CFAP58: variants seen among roughly 807,000 people sequenced by gnomAD.
CFAP58 encodes cilia and flagella associated protein 58, also known as cilia- and flagella-associated protein 58.
A neutral mutation model predicts 119.5 loss-of-function variants in CFAP58; 88 were observed. The observed-to-expected ratio is 0.74, with a 90% CI of 0.62 to 0.88. The LOEUF is 0.88. Among genes scored for constraint, CFAP58 ranks in the 40% least tolerant of loss-of-function variants. The probability of loss-of-function intolerance (pLI) is 0.00; values close to 1 mark genes in which losing one functional copy is unlikely to be tolerated. For missense variants in CFAP58, 990 were observed against 1,021.2 expected (o/e 0.97, Z 0.42); for synonymous variants, 365 against 366.3 (o/e 1.00, Z 0.04).
intron 4 of CFAP58, 80 bp from the exon 5 acceptor site, chr10:104,365,734 A>G (rs1425685733): frequency 2.7e-5 from 34 of 1,261,098 alleles, no homozygotes; most frequent in Non-Finnish European, 3.6e-5. Context: ...CAGACCTGAG[A>G]GAGGAGGGGG....
intron 15 of CFAP58, among the ~76,000 whole-genome samples, chr10:104,433,692 A>C (rs1034983832): frequency 1.3e-5 from 2 of 152,246 alleles, no homozygotes; most frequent in African/African-American, 4.8e-5. Flanking sequence ...TTCATCACAA[A>C]GTTCGAATTA....
At chr10:104,409,666 T>G (rs991927047) in intron 15 of CFAP58, among the ~76,000 whole-genome samples, 3 of 152,204 alleles carry the variant, frequency 2.0e-5, no homozygotes, top group African/African-American at 7.2e-5. Flanking sequence ...AGATTATAAT[T>G]TTTATTTCTT....
rs1176373321 is a variant in CFAP58, at chr10:104,365,887, A to G, written c.671A>G (p.Glu224Gly). ...EFRKKEKLEK[E>G]LKQIQADMDS... ...CGGAAGAAGGAAAAACTAGAGAAAG[A>G]GCTCAAGCAGATTCAGGCAGACATG... The change falls in exon 5 of 18, where the codon GAG becomes GGG. Residue 224 changes from glutamate (E) to glycine (G), a missense_variant. Transcript: ENST00000369704. 2 of 1,613,612 alleles carry G rather than the reference A, an allele frequency of 1.2e-6. No individual in the cohort carries two copies. The highest frequency in any genetic ancestry group is 1.7e-5 in the Admixed American group (1 of 59,956).
chr10:104,339,146 T>G, the CFAP58 span, among the ~76,000 whole-genome samples: 2 of 152,294 alleles, frequency 1.3e-5, no homozygotes, highest in African/African-American at 2.4e-5. Context: ...TTCTCGGCCT[T>G]CCGAAGCGCC....
rs57210958 is a variant in CFAP58, at chr10:104,396,369, T to TGAGAGAGA, written c.1675-2928_1675-2921dup. Among the ~76,000 whole-genome samples, 60 of 86,858 alleles carry TGAGAGAGA rather than the reference T, an allele frequency of 6.9e-4. 1 individual carries two copies. The highest frequency in any genetic ancestry group is 5.8e-3 in the Middle Eastern group (1 of 172). 57.0% of individuals were successfully genotyped at this position (86,858 alleles called of 152,430 possible). A position where few individuals can be genotyped will look rare whatever the true frequency, so the allele number is the denominator to read the frequency against. ...GCCATGGATAGGGAGCTGTTATCCA[T>TGAGAGAGA]GAGAGAGAGAGAGAGAGAGAGAGAG... On this transcript the variant is annotated intron_variant, in intron 11 of 17. Transcript: ENST00000369704.
At chr10:104,410,059 C>T (rs954743955) in intron 15 of CFAP58, among the ~76,000 whole-genome samples, 1 of 152,120 alleles carries the variant, frequency 6.6e-6, no homozygotes, top group African/African-American at 2.4e-5. Context: ...CAACAGTTAC[C>T]ACCACTCAGT....
chr10:104,387,166 T>C (rs994744903), intron 9 of CFAP58, among the ~76,000 whole-genome samples: 1 of 152,200 alleles, frequency 6.6e-6, no homozygotes, highest in African/African-American at 2.4e-5. Flanking sequence ...GCAATAATAA[T>C]AGTGCATGAT....
At chr10:104,342,431 C>T in the CFAP58 span, among the ~76,000 whole-genome samples, 261 of 152,220 alleles carry the variant, frequency 1.7e-3, 1 homozygote, top group Non-Finnish European at 3.1e-3. Context: ...ACAACATCCC[C>T]CAGTTTTCTA....
chr10:104,376,502 C>CAA (rs1282859666), intron 7 of CFAP58, among the ~76,000 whole-genome samples: 42 of 48,172 alleles, frequency 8.7e-4, no homozygotes, highest in African/African-American at 2.1e-3. Context: ...AACTCCGTCT[C>CAA]AAAAAAAAAA....
chr10:104,353,854 G>C lies in CFAP58; in HGVS notation c.-44G>C. On this transcript the variant is annotated 5_prime_UTR_variant, in exon 1 of 18. Coordinates refer to ENST00000369704, the MANE Select transcript of CFAP58 (RefSeq NM_001008723.2). ...TCCCAGACTCCGGCCCAGCTCCTGC[G>C]ATCTCCACAGCAGCCTCTGAGGCCG... is the stretch of plus-strand genomic sequence containing the variant. 6.2e-7 allele frequency: 1 copy of C among 1,601,466 alleles called. No individual in the cohort carries two copies. Among genetic ancestry groups the C allele is most frequent in the Non-Finnish European group, 8.5e-7 (1 of 1,170,678 alleles).
At chr10:104,446,004 T>C (rs555042665) in intron 15 of CFAP58, among the ~76,000 whole-genome samples, 3 of 152,222 alleles carry the variant, frequency 2.0e-5, no homozygotes, top group Non-Finnish European at 4.4e-5. Context: ...CTATCTGTAC[T>C]CTGGTATAGA....
At chr10:104,446,475 G>A (rs943309570) in intron 15 of CFAP58, among the ~76,000 whole-genome samples, 4 of 152,154 alleles carry the variant, frequency 2.6e-5, no homozygotes, top group African/African-American at 7.2e-5. Flanking sequence ...TGGTAACAAT[G>A]ACTAGTTAAT....
intron 2 of CFAP58, among the ~76,000 whole-genome samples, chr10:104,358,879 G>A (rs2014631653): frequency 6.6e-6 from 1 of 152,176 alleles, no homozygotes; most frequent in South Asian, 2.1e-4. Context: ...AAGATTTAGA[G>A]ATAAGTAAAT....
intron 13 of CFAP58, 145 bp from the exon 14 acceptor site, chr10:104,403,584 T>C (rs2012305370): frequency 5.1e-6 from 2 of 392,710 alleles, no homozygotes; most frequent in Non-Finnish European, 9.2e-6. Flanking sequence ...TTGCCCAGAA[T>C]TAGGAGGCTG....
rs566445406 is a variant in CFAP58 at position 104,355,451 on chromosome 10, C to T, written c.9+1545C>T. 1.9e-3 allele frequency among the ~76,000 whole-genome samples: 286 copies of T among 152,206 alleles called. 2 individuals carry two copies. Among genetic ancestry groups the T allele is most frequent in the Non-Finnish European group, 2.7e-3 (186 of 68,034 alleles). On this transcript the variant is annotated intron_variant, in intron 1 of 17. Transcript: ENST00000369704. ...ATTTCCCTCTTTCTGTTACTCCTCT[C>T]GTTTCTTCCTTTCTTCTACTTTTCT...
At chr10:104,430,825 A>G (rs1401030959) in intron 15 of CFAP58, among the ~76,000 whole-genome samples, 3 of 152,282 alleles carry the variant, frequency 2.0e-5, no homozygotes, top group African/African-American at 7.2e-5. Flanking sequence ...TAATTTTAAT[A>G]ACATTGTTTA....
intron 1 of CFAP58, among the ~76,000 whole-genome samples, chr10:104,355,008 C>T (rs889096809): frequency 6.6e-6 from 1 of 152,140 alleles, no homozygotes; most frequent in Non-Finnish European, 1.5e-5. Flanking sequence ...TCCGTCTTCC[C>T]GTGGTCAACA....
chr10:104,418,200 G>C (rs890840669), intron 15 of CFAP58, among the ~76,000 whole-genome samples: 1 of 152,182 alleles, frequency 6.6e-6, no homozygotes, highest in African/African-American at 2.4e-5. Context: ...CAAAGCTGGC[G>C]TTGGTTACTG....
chr10:104,427,925 G>A (rs1394029076), intron 15 of CFAP58, among the ~76,000 whole-genome samples: 1 of 152,202 alleles, frequency 6.6e-6, no homozygotes, highest in Non-Finnish European at 1.5e-5. Flanking sequence ...TTTTCCTGAA[G>A]TGGGGATCGT....
Sources: gnomAD v4.1 joint callset for allele counts (sites outside exome capture counted in the v4.1 genomes callset) on GRCh38, gnomAD v4.1.1 for gene constraint, MANE v1.5 for transcripts, NCBI Gene and HGNC (gene_info 2026-07-23, HGNC 2026-07-21) for gene names.